CAMKK2: variants seen among roughly 807,000 people sequenced by gnomAD.
The protein encoded by CAMKK2 is calcium/calmodulin-dependent protein kinase kinase 2.
In CAMKK2, 30 loss-of-function variants were observed where a neutral mutation model predicts 67.2. That is an observed-to-expected ratio of 0.45 (90% CI 0.33 to 0.61). The LOEUF is 0.61. Among genes scored for constraint, CAMKK2 ranks in the 20% least tolerant of loss-of-function variants. The pLI, the probability that CAMKK2 is intolerant of heterozygous loss-of-function variation, is 0.02. For missense variants in CAMKK2, 643 were observed against 802.0 expected (o/e 0.80, Z 2.39); for synonymous variants, 322 against 326.2 (o/e 0.99, Z 0.14).
intron 13 of CAMKK2, among the ~76,000 whole-genome samples, chr12:121,249,406 T>C (rs1890188479): frequency 2.0e-5 from 3 of 152,188 alleles, no homozygotes; most frequent in Non-Finnish European, 4.4e-5. Flanking sequence ...GGAGGTCGAA[T>C]TGCTCATTAA....
Position 121,244,618 on chromosome 12 carries a change from G to A in CAMKK2, c.1554-3C>T, listed in dbSNP as rs1403360416. The A allele has an allele frequency of 3.8e-6, 6 of 1,562,308 alleles. No individual in the cohort carries two copies. Among genetic ancestry groups the A allele is most frequent in the East Asian group, 2.4e-5 (1 of 42,384 alleles). The stretch of plus-strand genomic sequence containing the variant: ...CACATTCCCTGGTTGGTTTTTTGCT[G>A]GAATCACCAGAGGGAGGGAAAAGGG... On this transcript the variant is annotated splice_polypyrimidine_tract_variant and splice_region_variant and intron_variant, in intron 15 of 16. Coordinates refer to ENST00000404169, the MANE Select transcript of CAMKK2 (RefSeq NM_001270485.2).
Position 121,275,766 on chromosome 12 carries a change from CTAGA to C in CAMKK2, c.-59-1185_-59-1182del, listed in dbSNP as rs1433503063. 2.6e-5 allele frequency among the ~76,000 whole-genome samples: 4 copies of C among 152,208 alleles called. No individual in the cohort carries two copies. In the East Asian group the frequency reaches 7.7e-4, roughly 29 times the overall value. ...TTGGGGTGATCAAAACGTTTTGAAACTAGATAGAGGTAATGGTTGCACAGCATTG... is the reference window on the plus strand; with the variant it reads ...TTGGGGTGATCAAAACGTTTTGAAACTAGAGGTAATGGTTGCACAGCATTG... On this transcript the variant is annotated intron_variant, in intron 1 of 16. Coordinates refer to ENST00000404169, the MANE Select transcript of CAMKK2 (RefSeq NM_001270485.2).
intron 16 of CAMKK2, among the ~76,000 whole-genome samples, chr12:121,242,552 G>A (rs1888581806): frequency 6.6e-6 from 1 of 152,136 alleles, no homozygotes; most frequent in Non-Finnish European, 1.5e-5. Context: ...CGTCTGTCTG[G>A]GCACAAGCTG....
Position 121,253,122 on chromosome 12 carries a change from C to T in CAMKK2, c.1107+151G>A. 1 of 678,074 alleles carries T rather than the reference C, an allele frequency of 1.5e-6. No homozygotes were observed. 42.0% of individuals were successfully genotyped at this position (678,074 alleles called of 1,614,324 possible). A position where few individuals can be genotyped will look rare whatever the true frequency, so the allele number is the denominator to read the frequency against. On this transcript the variant is annotated intron_variant, in intron 10 of 16. Transcript: ENST00000404169. This position sits in a 1 kb window ranked among gnomAD's most constrained non-coding sequence, Gnocchi z 5.0. ...GCGGGAGATGGTTTCTGTTTGAGTCCCTGGATCTAGCCAAGCCTGAAGCCT... is the reference window on the plus strand; with the variant it reads ...GCGGGAGATGGTTTCTGTTTGAGTCTCTGGATCTAGCCAAGCCTGAAGCCT...
chr12:121,245,079 C>T lies in CAMKK2; in HGVS notation c.1553+61G>A. ...CCTGTGCAGAGTGGTCTGGGCAGGG[C>T]TGCCCCAAGCCTAGCCTCCAGCCAC... On this transcript the variant is annotated intron_variant, in intron 15 of 16. Transcript: ENST00000404169. The surrounding 1 kb of genome is among the most constrained non-coding windows in gnomAD (Gnocchi z 5.8). 1.7e-6 allele frequency: 2 copies of T among 1,203,600 alleles called. No homozygotes were observed. The highest frequency in any genetic ancestry group is 2.4e-6 in the Non-Finnish European group (2 of 830,854). 74.6% of individuals were successfully genotyped at this position (1,203,600 alleles called of 1,614,324 possible).
rs1286822921 is a variant in CAMKK2 at position 121,244,572 on chromosome 12, C to A, written c.1596+1G>T. On this transcript the variant is annotated splice_donor_variant, in intron 16 of 16. Transcript: ENST00000404169. LOFTEE classifies it high-confidence loss of function. ...CTACGGCACAGGCAGGCGGGCGTTA[C>A]CTTGAGCTCAGACAGGGACTCACAT... 7.1e-6 allele frequency: 11 copies of A among 1,559,282 alleles called. No individual in the cohort carries two copies. The highest frequency in any genetic ancestry group is 9.6e-6 in the Non-Finnish European group (11 of 1,151,434).
At chr12:121,241,589 A>G (rs1489471035) in intron 16 of CAMKK2, among the ~76,000 whole-genome samples, 1 of 152,246 alleles carries the variant, frequency 6.6e-6, no homozygotes, top group African/African-American at 2.4e-5. Flanking sequence ...CCTCACCACC[A>G]TCACACAGCT....
chr12:121,265,595 G>A (rs1185651741), intron 5 of CAMKK2, among the ~76,000 whole-genome samples: 2 of 152,132 alleles, frequency 1.3e-5, no homozygotes, highest in African/African-American at 4.8e-5. Context: ...CAGGCTGGGC[G>A]CAGTGGCTCA....
At chr12:121,279,486 T>C (rs2136503220) in intron 1 of CAMKK2, among the ~76,000 whole-genome samples, 1 of 152,300 alleles carries the variant, frequency 6.6e-6, no homozygotes, top group Non-Finnish European at 1.5e-5. Flanking sequence ...GACAATAGTT[T>C]AGCCTGGAAA....
intron 3 of CAMKK2, 52 bp downstream of exon 3, chr12:121,270,846 C>T: frequency 6.9e-7 from 1 of 1,452,070 alleles, no homozygotes; most frequent in Non-Finnish European, 9.7e-7. Context: ...TCCACAGTAT[C>T]TGAACGCCCC....
chr12:121,260,564 T>C (rs552810793), intron 6 of CAMKK2: 11 of 582,194 alleles, frequency 1.9e-5, no homozygotes, highest in Non-Finnish European at 3.0e-5. Flanking sequence ...TAAATGCCTC[T>C]CTGTCTGATC....
chr12:121,240,867 T>C lies in CAMKK2; in HGVS notation c.1599A>G (p.Glu533=), dbSNP rs1374465962. The C allele has an allele frequency of 3.7e-6, 6 of 1,612,258 alleles. No individual in the cohort carries two copies. The highest frequency in any genetic ancestry group is 4.2e-6 in the Non-Finnish European group (5 of 1,179,894). The change falls in exon 17 of 17, where the codon GAA becomes GAG. Residue 533 remains glutamate (E), a splice_region_variant and synonymous_variant. Transcript: ENST00000404169. This position sits in a 1 kb window ranked among gnomAD's most constrained non-coding sequence, Gnocchi z 4.4. ...RECESLSELK[E]ARQRRQPPGH... ...CTGGAGGTTGTCTTCGCTGCCTTGC[T>C]TCCTGCTCACCGAACAGAAAACCAA...
chr12:121,260,943 ACT>A (rs1328253358), intron 6 of CAMKK2, among the ~76,000 whole-genome samples: 1 of 142,976 alleles, frequency 7.0e-6, no homozygotes, highest in Non-Finnish European at 1.5e-5. Context: ...ACAGAGCAAG[ACT>A]CTGTCTCAAA....
At chr12:121,261,434 T>G (rs1393976957) in intron 6 of CAMKK2, among the ~76,000 whole-genome samples, 1 of 152,202 alleles carries the variant, frequency 6.6e-6, no homozygotes, top group African/African-American at 2.4e-5. Context: ...GCTATCTCTC[T>G]TCTTTGGGAA....
intron 14 of CAMKK2, among the ~76,000 whole-genome samples, chr12:121,248,203 C>A (rs1889888794): frequency 6.6e-6 from 1 of 152,212 alleles, no homozygotes; most frequent in Admixed American, 6.5e-5. Context: ...GCCCCTACCC[C>A]TGGTGGCTGC....
intron 1 of CAMKK2, among the ~76,000 whole-genome samples, chr12:121,283,987 A>G (rs1243492245): frequency 6.6e-6 from 1 of 152,182 alleles, no homozygotes; most frequent in Non-Finnish European, 1.5e-5. Flanking sequence ...TGGGCAGGGG[A>G]CACACTCACC....
Position 121,245,280 on chromosome 12 carries a change from G to T in CAMKK2, c.1453-40C>A. 1 of 1,304,330 alleles carries T rather than the reference G, an allele frequency of 7.7e-7. No individual in the cohort carries two copies. 80.8% of individuals were successfully genotyped at this position (1,304,330 alleles called of 1,614,324 possible). A position where few individuals can be genotyped will look rare whatever the true frequency, so the allele number is the denominator to read the frequency against. On this transcript the variant is annotated intron_variant, in intron 14 of 16. Coordinates refer to ENST00000404169, the MANE Select transcript of CAMKK2 (RefSeq NM_001270485.2). The surrounding 1 kb of genome is among the most constrained non-coding windows in gnomAD (Gnocchi z 5.8). ...AAGAGGAGGTGGCAGGCAACTGCTTGGCCATGTGGGGGCGATTCTGGGCAA... is the reference window on the plus strand; with the variant it reads ...AAGAGGAGGTGGCAGGCAACTGCTTTGCCATGTGGGGGCGATTCTGGGCAA...
chr12:121,275,566 T>C (rs1280261453), intron 1 of CAMKK2, among the ~76,000 whole-genome samples: 1 of 150,944 alleles, frequency 6.6e-6, no homozygotes, highest in Non-Finnish European at 1.5e-5. Flanking sequence ...AATATTATGC[T>C]AACTGAAGGA....
At chr12:121,295,570 G>A (rs1304294253) in intron 1 of CAMKK2, among the ~76,000 whole-genome samples, 2 of 152,146 alleles carry the variant, frequency 1.3e-5, no homozygotes, top group Non-Finnish European at 2.9e-5. Flanking sequence ...TAGGGGAGGG[G>A]GAGTGGTAAA....
Sources: allele counts gnomAD v4.1 joint callset (sites outside exome capture counted in the v4.1 genomes callset), GRCh38; gene constraint gnomAD v4.1.1; non-coding constraint Gnocchi (gnomAD v3.1); transcripts MANE v1.5; gene names NCBI Gene and HGNC (gene_info 2026-07-23, HGNC 2026-07-21).